The following ARHGEF28 variants were observed in gnomAD, a reference collection of about 807,000 sequenced individuals.
The protein encoded by ARHGEF28 is 190 kDa guanine nucleotide exchange factor.
ARHGEF28 carries 152 observed loss-of-function variants against 206.6 expected under a neutral mutation model. That is an observed-to-expected ratio of 0.74 (90% CI 0.64 to 0.84). The LOEUF (loss-of-function observed/expected upper bound fraction) is 0.84, where lower values mean the gene tolerates loss of function less well. ARHGEF28 is among the 40% of genes least tolerant of loss of function. The probability of loss-of-function intolerance (pLI) is 0.00; values close to 1 mark genes in which losing one functional copy is unlikely to be tolerated. For missense variants in ARHGEF28, 2,028 were observed against 2,073.2 expected, an observed-to-expected ratio of 0.98 and a Z score of 0.42; for synonymous variants, 763 against 776.4, an observed-to-expected ratio of 0.98 and a Z score of 0.29.
intron 4 of ARHGEF28, among the ~76,000 whole-genome samples, chr5:73,753,510 T>A: frequency 6.6e-6 from 1 of 152,218 alleles, no homozygotes; most frequent in Non-Finnish European, 1.5e-5. Flanking sequence ...CAAGTTTTCT[T>A]GCTGTGGGAA....
intron 2 of ARHGEF28, among the ~76,000 whole-genome samples, chr5:73,745,662 TTTCC>T (rs1347148722): frequency 6.6e-6 from 1 of 152,070 alleles, no homozygotes; most frequent in African/African-American, 2.4e-5. Context: ...TGATTCCTGT[TTTCC>T]ATGTGACTTG....
rs1173675077 is a variant in ARHGEF28 at position 73,664,778 on chromosome 5, C to T, written c.-11-20063C>T. Among the ~76,000 whole-genome samples, 4 of 152,144 alleles carry T rather than the reference C, an allele frequency of 2.6e-5. No individual in the cohort carries two copies. In the East Asian group the frequency reaches 7.7e-4, roughly 29 times the overall value. ...TTCCCAATGGCCTTAACTACTATGT[C>T]AGATCAAAAATCTTTCTTTCCAGCC... On this transcript the variant is annotated intron_variant, in intron 1 of 35. Transcript: ENST00000513042.
Position 73,893,226 on chromosome 5 carries a change from G to T in ARHGEF28, c.3596G>T (p.Ser1199Ile). The change falls in exon 28 of 36, where the codon AGT becomes ATT. Residue 1199 changes from serine (S) to isoleucine (I), a missense_variant. Around this residue, in one of 3 missense-constraint regions of ARHGEF28, gnomAD observed 803 missense variants for 768.0 expected, o/e 1.05. Coordinates refer to ENST00000513042, the MANE Select transcript of ARHGEF28 (RefSeq NM_001177693.2). ...SCPEEKGGRT[S>I]ESDEDKRKAE... ...CCTGAAGAAAAAGGGGGAAGGACAA[G>T]TGAATCTGATGAAGACAAGAGGAAA... 6.4e-7 allele frequency: 1 copy of T among 1,557,850 alleles called. No individual in the cohort carries two copies. The highest frequency in any genetic ancestry group is 1.9e-5 in the Admixed American group (1 of 51,486).
chr5:73,930,258 C>A (rs1336245316), intron 35 of ARHGEF28, among the ~76,000 whole-genome samples: 1 of 152,196 alleles, frequency 6.6e-6, no homozygotes, highest in African/African-American at 2.4e-5. Flanking sequence ...TCTTACCCAG[C>A]TCATAGCATT....
intron 9 of ARHGEF28, among the ~76,000 whole-genome samples, chr5:73,820,685 G>C (rs537514918): frequency 4.7e-4 from 71 of 152,114 alleles, no homozygotes; most frequent in Non-Finnish European, 8.7e-4. Context: ...CCCCAGAAAC[G>C]TCTGCCATCT....
intron 2 of ARHGEF28, among the ~76,000 whole-genome samples, chr5:73,691,853 A>G (rs577324045): frequency 6.6e-6 from 1 of 152,312 alleles, no homozygotes; most frequent in East Asian, 1.9e-4. Flanking sequence ...GCAATCATGA[A>G]CAATTATTCA....
rs1205981093 is a variant in ARHGEF28, at chr5:73,648,336, A to G, written c.-12+22014A>G. On this transcript the variant is annotated intron_variant, in intron 1 of 35. Coordinates refer to ENST00000513042, the MANE Select transcript of ARHGEF28 (RefSeq NM_001177693.2). ...CTGTGGAGGGTGTTTCTGTACTATA[A>G]AAGATCAAGATCGAGTTGTTTATGT... 2.0e-5 allele frequency among the ~76,000 whole-genome samples: 3 copies of G among 152,188 alleles called. No homozygotes were observed. The East Asian group carries it at 5.8e-4, about 29-fold the overall frequency.
intron 35 of ARHGEF28, among the ~76,000 whole-genome samples, chr5:73,914,650 G>A (rs1263295656): frequency 6.6e-6 from 1 of 152,052 alleles, no homozygotes; most frequent in Non-Finnish European, 1.5e-5. Flanking sequence ...ACTGGCCTTG[G>A]CCTCCCAAAG....
intron 9 of ARHGEF28, among the ~76,000 whole-genome samples, chr5:73,809,748 A>G (rs1755733234): frequency 6.6e-6 from 1 of 152,242 alleles, no homozygotes; most frequent in South Asian, 2.1e-4. Context: ...CTGAATAATT[A>G]TAACCTCATG....
intron 1 of ARHGEF28, among the ~76,000 whole-genome samples, chr5:73,648,719 C>T (rs1027192496): frequency 2.0e-5 from 3 of 152,138 alleles, no homozygotes; most frequent in African/African-American, 4.8e-5. Context: ...CACAGCCCTT[C>T]TCTCAAGAAT....
At chr5:73,920,734 A>G (rs190899760) in intron 35 of ARHGEF28, among the ~76,000 whole-genome samples, 234 of 152,126 alleles carry the variant, frequency 1.5e-3, no homozygotes, top group African/African-American at 5.3e-3. Flanking sequence ...ATCTCTTTAC[A>G]TGAGTTATTT....
Position 73,857,694 on chromosome 5 carries a change from C to A in ARHGEF28, c.1829C>A (p.Ala610Asp), listed in dbSNP as rs779667963. The change falls in exon 15 of 36, where the codon GCC (alanine) becomes GAC (aspartate). Residue 610 changes from alanine to aspartate, a missense_variant. Around this residue, in one of 3 missense-constraint regions of ARHGEF28, gnomAD observed 1,002 missense variants for 1,015.3 expected, o/e 0.99. Coordinates refer to ENST00000513042, the MANE Select transcript of ARHGEF28 (RefSeq NM_001177693.2). ...EEEWDKYIIPAKSESEKYKVS... is the reference protein window; with the variant it reads ...EEEWDKYIIPDKSESEKYKVS... ...GAATGGGATAAATACATCATACCTG[C>A]CAAATCAGAGTCTGAAAAATATAAA... 9 of 1,602,430 alleles carry A rather than the reference C, an allele frequency of 5.6e-6. No individual in the cohort carries two copies. Among genetic ancestry groups the A allele is most frequent in the Non-Finnish European group, 7.7e-6 (9 of 1,173,760 alleles).
chr5:73,754,293 C>T (rs529329985), intron 4 of ARHGEF28, among the ~76,000 whole-genome samples: 17 of 152,270 alleles, frequency 1.1e-4, no homozygotes, highest in African/African-American at 4.1e-4. Context: ...TTCCTTTAAT[C>T]AGGGTCACAC....
chr5:73,784,625 G>T (rs1754045007), intron 7 of ARHGEF28, among the ~76,000 whole-genome samples: 1 of 152,116 alleles, frequency 6.6e-6, no homozygotes, highest in South Asian at 2.1e-4. Context: ...GGCCAAATAA[G>T]TAGAAAATGC....
At chr5:73,796,207 G>A (rs1217888622) in intron 9 of ARHGEF28, among the ~76,000 whole-genome samples, 1 of 152,190 alleles carries the variant, frequency 6.6e-6, no homozygotes, top group African/African-American at 2.4e-5. Context: ...GGATGTCTGT[G>A]AAGACCTCTG....
rs775271730 is a variant in ARHGEF28, at chr5:73,909,468, GCAGGAGGGCCTGTCTCTCGGC to G, written c.4221_4241del (p.Gln1407_Gly1413del). 30 of 1,612,908 alleles carry G rather than the reference GCAGGAGGGCCTGTCTCTCGGC, an allele frequency of 1.9e-5. No individual in the cohort carries two copies. In the Admixed American group the frequency reaches 5.0e-4, roughly 27 times the overall value. The stretch of plus-strand genomic sequence containing the variant: ...AGATCCACAGGCTGGTTCTCCAGCA[GCAGGAGGGCCTGTCTCTCGGC>G]CACTCTATCCTCCGAGGCGGCCCCT... On this transcript the variant is annotated inframe_deletion, in exon 34 of 36. Transcript: ENST00000513042.
chr5:73,930,803 A>G (rs1292313819), intron 35 of ARHGEF28, among the ~76,000 whole-genome samples: 1 of 152,152 alleles, frequency 6.6e-6, no homozygotes, highest in Non-Finnish European at 1.5e-5. Context: ...CAATATAGTC[A>G]ACATCTATCC....
chr5:73,754,447 T>C (rs1752195073), intron 4 of ARHGEF28, among the ~76,000 whole-genome samples: 2 of 152,042 alleles, frequency 1.3e-5, no homozygotes, highest in South Asian at 4.1e-4. Context: ...ACGTATGGCG[T>C]GGGCTCCCTG....
chr5:73,695,768 G>T (rs1438255889), intron 2 of ARHGEF28, among the ~76,000 whole-genome samples: 1 of 152,066 alleles, frequency 6.6e-6, no homozygotes, highest in Non-Finnish European at 1.5e-5. Context: ...ATTGCCCCTG[G>T]CCTCTTCAGA....
Sources: allele counts gnomAD v4.1 joint callset (sites outside exome capture counted in the v4.1 genomes callset), GRCh38; gene constraint gnomAD v4.1.1; regional missense constraint gnomAD v4.1.1; transcripts MANE v1.5; gene names NCBI Gene and HGNC (gene_info 2026-07-23, HGNC 2026-07-21).